TMEM132B: variants seen among roughly 807,000 people sequenced by gnomAD.
TMEM132B encodes transmembrane protein 132B.
Under a neutral mutation model 90.8 loss-of-function variants are expected in TMEM132B, and 18 were observed. The ratio of observed to expected loss-of-function variants is 0.20; its 90% confidence interval spans 0.14 to 0.29. The LOEUF is 0.29. Among genes scored for constraint, TMEM132B ranks in the 10% least tolerant of loss-of-function variants. The pLI, the probability that TMEM132B is intolerant of heterozygous loss-of-function variation, is 1.00. For missense variants in TMEM132B, 1,096 were observed against 1,326.8 expected, an observed-to-expected ratio of 0.83 and a Z score of 2.70; for synonymous variants, 504 against 523.3, an observed-to-expected ratio of 0.96 and a Z score of 0.50.
chr12:125,604,312 T>C (rs1885638086), intron 5 of TMEM132B, among the ~76,000 whole-genome samples: 1 of 152,166 alleles, frequency 6.6e-6, no homozygotes, highest in Non-Finnish European at 1.5e-5. Context: ...TGGATGAAGC[T>C]GGAAGCCATC....
chr12:125,398,970 T>G (rs1479201456), intron 2 of TMEM132B, among the ~76,000 whole-genome samples: 1 of 152,140 alleles, frequency 6.6e-6, no homozygotes, highest in Non-Finnish European at 1.5e-5. Flanking sequence ...TTCCTTTTTG[T>G]GGTATGGCTG....
intron 4 of TMEM132B, among the ~76,000 whole-genome samples, chr12:125,566,908 G>A (rs928843436): frequency 7.4e-6 from 1 of 134,788 alleles, no homozygotes. Flanking sequence ...CAGTGGTGCG[G>A]TCTCAGCTCA....
intron 1 of TMEM132B, among the ~76,000 whole-genome samples, chr12:125,239,860 G>A (rs146452954): frequency 1.9e-4 from 29 of 152,338 alleles, no homozygotes; most frequent in African/African-American, 3.8e-4. Context: ...TCAAGGGGTG[G>A]GATGCCGCAG....
At position 125,552,985 on chromosome 12, in the gene TMEM132B, G is replaced by A. The variant is rs151283470; in HGVS notation, c.1294-30866G>A. ...ACACTTAGGACTGCTGAGTAAGGTT[G>A]TGCAGGTTGCACACTGCTCATAGCA... On this transcript the variant is annotated intron_variant, in intron 4 of 8. Transcript: ENST00000682704. 2.3e-3 allele frequency among the ~76,000 whole-genome samples: 353 copies of A among 152,336 alleles called. 1 individual carries two copies. Among genetic ancestry groups the A allele is most frequent in the Admixed American group, 4.4e-3 (67 of 15,308 alleles).
At chr12:125,442,996 T>C (rs1240772067) in intron 3 of TMEM132B, among the ~76,000 whole-genome samples, 1 of 152,208 alleles carries the variant, frequency 6.6e-6, no homozygotes, top group Non-Finnish European at 1.5e-5. Flanking sequence ...TTTCTCCTTA[T>C]CCCAGGACAC....
At position 125,653,980 on chromosome 12, in the gene TMEM132B, C is replaced by T; in HGVS notation, c.2522C>T (p.Thr841Ile). 6.2e-7 allele frequency: 1 copy of T among 1,614,196 alleles called. No individual in the cohort carries two copies. The change falls in exon 9 of 9, where the codon ACA becomes ATA. Residue 841 changes from threonine (T) to isoleucine (I), a missense_variant. Physicochemically the swap from Thr to Ile is moderately conservative, Grantham distance 89 (BLOSUM62 -1). Coordinates refer to ENST00000682704, the MANE Select transcript of TMEM132B (RefSeq NM_001366854.1). ...GTCCAGGAATGGTTCCACCGTGGCACACCTGTTGGCCAAGAGGAAAGTACC... is the reference window on the plus strand; with the variant it reads ...GTCCAGGAATGGTTCCACCGTGGCATACCTGTTGGCCAAGAGGAAAGTACC... Reference protein sequence around the residue: ...RAVQEWFHRGTPVGQEESTNK... With the variant: ...RAVQEWFHRGIPVGQEESTNK...
Position 125,461,578 on chromosome 12 carries a change from T to C in TMEM132B, c.1106+45901T>C, listed in dbSNP as rs566943114. On this transcript the variant is annotated intron_variant, in intron 3 of 8. Transcript: ENST00000682704. Reference sequence around the variant, plus strand: ...AGAAGTCAGACATCTGGATTTGAGGTAGAATCTCTCAATTTTTGAATGTTG... The same window carrying C: ...AGAAGTCAGACATCTGGATTTGAGGCAGAATCTCTCAATTTTTGAATGTTG... Among the ~76,000 whole-genome samples, 11 of 152,330 alleles carry C rather than the reference T, an allele frequency of 7.2e-5. No individual in the cohort carries two copies. In the South Asian group the frequency reaches 2.3e-3, roughly 32 times the overall value.
chr12:125,205,213 G>A (rs1368612042), intron 1 of TMEM132B, among the ~76,000 whole-genome samples: 763 of 105,624 alleles, frequency 7.2e-3, no homozygotes, highest in Middle Eastern at 0.042. Flanking sequence ...TATCTCATGA[G>A]TCCTTTCAAT....
At chr12:125,403,554 CTT>C (rs1446426709) in intron 2 of TMEM132B, among the ~76,000 whole-genome samples, 1 of 152,182 alleles carries the variant, frequency 6.6e-6, no homozygotes, top group Non-Finnish European at 1.5e-5. Flanking sequence ...CTAAAACAAA[CTT>C]AATGAATATT....
Position 125,538,199 on chromosome 12 carries a change from A to G in TMEM132B, c.1293+18574A>G, listed in dbSNP as rs75470492. 6.0e-3 allele frequency among the ~76,000 whole-genome samples: 913 copies of G among 152,270 alleles called. 6 individuals carry two copies. The highest frequency in any genetic ancestry group is 0.021 in the African/African-American group (889 of 41,548). On this transcript the variant is annotated intron_variant, in intron 4 of 8. Transcript: ENST00000682704. ...TGGGGTGACTCTTCCCAGGTTATTT[A>G]TATTGTTCTTACCCTGGTTTGGAGA...
At chr12:125,522,409 A>G (rs988740138) in intron 4 of TMEM132B, among the ~76,000 whole-genome samples, 3 of 152,202 alleles carry the variant, frequency 2.0e-5, no homozygotes, top group African/African-American at 7.2e-5. Context: ...AACTCTAAAG[A>G]GTATAGGAAT....
intron 3 of TMEM132B, among the ~76,000 whole-genome samples, chr12:125,438,330 C>T (rs149868761): frequency 1.3e-5 from 2 of 152,254 alleles, no homozygotes; most frequent in Non-Finnish European, 2.9e-5. Context: ...CTCTTAAAGA[C>T]TAAGGAAGCA....
intron 1 of TMEM132B, among the ~76,000 whole-genome samples, chr12:125,330,483 CAAAG>C (rs1294653959): frequency 2.7e-5 from 4 of 150,798 alleles, no homozygotes; most frequent in South Asian, 4.2e-4. Flanking sequence ...AAGAAATTTA[CAAAG>C]AAAGAAAAAA....
chr12:125,645,292 T>C (rs1886735448), intron 6 of TMEM132B, among the ~76,000 whole-genome samples: 1 of 150,050 alleles, frequency 6.7e-6, no homozygotes, highest in Non-Finnish European at 1.5e-5. Context: ...CCTAATCTGG[T>C]AGTGCTGGGA....
chr12:125,319,079 G>T (rs1566000589), intron 1 of TMEM132B, among the ~76,000 whole-genome samples: 1 of 152,206 alleles, frequency 6.6e-6, no homozygotes, highest in Non-Finnish European at 1.5e-5. Context: ...GGTGGCTCAG[G>T]TCCTGGTTTT....
At chr12:125,555,338 A>G (rs958071278) in intron 4 of TMEM132B, among the ~76,000 whole-genome samples, 5 of 151,856 alleles carry the variant, frequency 3.3e-5, no homozygotes, top group Admixed American at 6.6e-5. Flanking sequence ...AAAACAAGTG[A>G]TGTAATATTT....
At chr12:125,583,579 G>C (rs890295400) in intron 4 of TMEM132B, among the ~76,000 whole-genome samples, 2 of 152,140 alleles carry the variant, frequency 1.3e-5, no homozygotes, top group African/African-American at 2.4e-5. Flanking sequence ...GATGGAGTAA[G>C]GGAGAGGAGG....
At chr12:125,626,942 T>G (rs1036164715) in intron 5 of TMEM132B, among the ~76,000 whole-genome samples, 3 of 152,138 alleles carry the variant, frequency 2.0e-5, no homozygotes, top group Admixed American at 2.0e-4. Flanking sequence ...CATTAGACCA[T>G]TTGACCCTCT....
intron 5 of TMEM132B, among the ~76,000 whole-genome samples, chr12:125,641,517 C>CT (rs1487038360): frequency 6.6e-6 from 1 of 152,122 alleles, no homozygotes; most frequent in Admixed American, 6.6e-5. Context: ...GAGGCATACA[C>CT]TTTTTTAAGG....
Sources: gnomAD v4.1 joint callset for allele counts (sites outside exome capture counted in the v4.1 genomes callset) on GRCh38, gnomAD v4.1.1 for gene constraint, MANE v1.5 for transcripts, NCBI Gene and HGNC (gene_info 2026-07-23, HGNC 2026-07-21) for gene names.